Variants in NCK1 observed in about 807,000 individuals in gnomAD.
The protein encoded by NCK1 is NCK adaptor protein 1.
In NCK1, 19 loss-of-function variants were observed where a neutral mutation model predicts 36.6. The ratio of observed to expected loss-of-function variants is 0.52; its 90% CI spans 0.36 to 0.76. The LOEUF (loss-of-function observed/expected upper bound fraction) is 0.76. NCK1 is among the 30% of genes least tolerant of loss of function. NCK1 has a pLI of 0.00. For synonymous variants in NCK1, 165 were observed against 156.0 expected, an observed-to-expected ratio of 1.06 and a Z score of -0.43; for missense variants, 358 against 445.6, an observed-to-expected ratio of 0.80 and a Z score of 1.77.
intron 1 of NCK1, among the ~76,000 whole-genome samples, chr3:136,871,093 T>C (rs553383813): frequency 6.7e-6 from 1 of 149,676 alleles, no homozygotes; most frequent in East Asian, 1.9e-4. Flanking sequence ...AGCTTACTAA[T>C]TTTTTTTTAA....
chr3:136,931,609 C>G (rs1940392699), intron 2 of NCK1, among the ~76,000 whole-genome samples: 2 of 152,092 alleles, frequency 1.3e-5, no homozygotes, highest in South Asian at 4.1e-4. Context: ...GAAGAACTTA[C>G]TTATTTGCTC....
chr3:136,909,782 T>C (rs1396105693), intron 1 of NCK1, among the ~76,000 whole-genome samples: 1 of 152,234 alleles, frequency 6.6e-6, no homozygotes, highest in African/African-American at 2.4e-5. Flanking sequence ...TAAATGTTTA[T>C]CATAGTATCT....
At chr3:136,888,434 C>T (rs1035042418) in intron 1 of NCK1, among the ~76,000 whole-genome samples, 89 of 151,172 alleles carry the variant, frequency 5.9e-4, no homozygotes, top group African/African-American at 1.8e-3. Flanking sequence ...GACGGAGTCT[C>T]GCTGTGTCAC....
At position 136,896,737 on chromosome 3, in the gene NCK1, G is replaced by A. The variant is rs539496608; in HGVS notation, c.-18-31247G>A. 5.9e-5 allele frequency among the ~76,000 whole-genome samples: 9 copies of A among 152,228 alleles called. No homozygotes were observed. The East Asian group carries it at 1.4e-3, about 23-fold the overall frequency. On this transcript the variant is annotated intron_variant, in intron 1 of 3. Transcript: ENST00000481752. ...ACTGGTCTCAAATTCCTGGGCTCAA[G>A]CAGTCCTCCTGCCTCGGCCTCCCAG...
rs575135409 is a variant in NCK1, at chr3:136,918,887, G to T, written c.-18-9097G>T. 3.3e-5 allele frequency among the ~76,000 whole-genome samples: 5 copies of T among 152,250 alleles called. No individual in the cohort carries two copies. The South Asian group carries it at 8.3e-4, about 25-fold the overall frequency. On this transcript the variant is annotated intron_variant, in intron 1 of 3. Transcript: ENST00000481752. ...ATTCAGTGTTTTCACTAATGACCGT[G>T]TAACCATGTGAGTATTGTTCATTAC... is the stretch of plus-strand genomic sequence containing the variant.
At chr3:136,904,614 A>G (rs1327973685) in intron 1 of NCK1, among the ~76,000 whole-genome samples, 1 of 152,172 alleles carries the variant, frequency 6.6e-6, no homozygotes, top group Non-Finnish European at 1.5e-5. Flanking sequence ...CAGTTTGAAG[A>G]TAATGTGCTG....
chr3:136,901,021 C>G (rs1381432951), intron 1 of NCK1, among the ~76,000 whole-genome samples: 1 of 152,080 alleles, frequency 6.6e-6, no homozygotes, highest in Non-Finnish European at 1.5e-5. Flanking sequence ...CAACTTTTCC[C>G]CATTCAGTAT....
intron 1 of NCK1, among the ~76,000 whole-genome samples, chr3:136,887,670 C>T (rs1404557700): frequency 6.6e-6 from 1 of 152,112 alleles, no homozygotes; most frequent in Non-Finnish European, 1.5e-5. Flanking sequence ...ATTTATGTTT[C>T]CATAAAATTG....
At chr3:136,924,761 C>T (rs1227137199) in intron 1 of NCK1, among the ~76,000 whole-genome samples, 1 of 152,098 alleles carries the variant, frequency 6.6e-6, no homozygotes, top group Non-Finnish European at 1.5e-5. Context: ...ATGGCTTAAC[C>T]CATTTGTGCC....
At chr3:136,923,440 C>T (rs1024920230) in intron 1 of NCK1, among the ~76,000 whole-genome samples, 3 of 151,924 alleles carry the variant, frequency 2.0e-5, no homozygotes, top group African/African-American at 7.3e-5. Context: ...CCTGTAGTCC[C>T]GGCTACTCGG....
At chr3:136,938,315 T>G (rs1469885801) in intron 2 of NCK1, among the ~76,000 whole-genome samples, 1 of 152,220 alleles carries the variant, frequency 6.6e-6, no homozygotes, top group African/African-American at 2.4e-5. Flanking sequence ...ATCCTTATTT[T>G]TCACAGATTC....
At chr3:136,914,639 A>G (rs1939913392) in intron 1 of NCK1, among the ~76,000 whole-genome samples, 1 of 152,258 alleles carries the variant, frequency 6.6e-6, no homozygotes, top group Admixed American at 6.5e-5. Context: ...TCAGTTAGCA[A>G]ACATTTATAG....
At chr3:136,930,432 C>T in intron 2 of NCK1, 1 of 1,232,042 alleles carries the variant, frequency 8.1e-7, no homozygotes, top group Non-Finnish European at 1.0e-6. Flanking sequence ...TTTCTATTGC[C>T]TGGGTGTGGG....
At chr3:136,903,718 C>T (rs6800032) in intron 1 of NCK1, among the ~76,000 whole-genome samples, 104,315 of 152,086 alleles carry the variant, frequency 0.69, 36,066 homozygotes, top group East Asian at 0.87. Flanking sequence ...AGCCACACCG[C>T]GCCTGGCCAA....
At chr3:136,911,144 A>G (rs9859810) in intron 1 of NCK1, among the ~76,000 whole-genome samples, 95,441 of 152,010 alleles carry the variant, frequency 0.63, 30,266 homozygotes, top group East Asian at 0.87. Flanking sequence ...TTTTTTCTTC[A>G]TTAATCCATT....
chr3:136,891,755 GTAT>G (rs1043233855), intron 1 of NCK1, among the ~76,000 whole-genome samples: 25 of 152,124 alleles, frequency 1.6e-4, no homozygotes, highest in Non-Finnish European at 3.4e-4. Context: ...TTGTGAGGTG[GTAT>G]TATTGTGGTT....
chr3:136,889,044 ATTTTTTTTTTTTTTTTTTTT>A (rs58385753), intron 1 of NCK1: 12 of 91,196 alleles, frequency 1.3e-4, no homozygotes, highest in African/African-American at 4.6e-4. Flanking sequence ...TAATTTTTTG[ATTTTTTTTTTTTTTTTTTTT>A]TTTTTTTTTT....
intron 1 of NCK1, among the ~76,000 whole-genome samples, chr3:136,891,384 C>A (rs528998886): frequency 1.3e-5 from 2 of 152,224 alleles, no homozygotes; most frequent in Admixed American, 1.3e-4. Context: ...ATCTACCCGC[C>A]TCAGCCTCCC....
intron 2 of NCK1, among the ~76,000 whole-genome samples, chr3:136,944,447 A>C (rs1041647130): frequency 6.6e-6 from 1 of 152,190 alleles, no homozygotes; most frequent in African/African-American, 2.4e-5. Context: ...AGAGTGGTAT[A>C]GTTTATTCTA....
Sources: gnomAD v4.1 joint callset for allele counts (sites outside exome capture counted in the v4.1 genomes callset) on GRCh38, gnomAD v4.1.1 for gene constraint, MANE v1.5 for transcripts, NCBI Gene and HGNC (gene_info 2026-07-23, HGNC 2026-07-21) for gene names.